Variants in SH2B3 observed in about 807,000 individuals in gnomAD.
SH2B3 encodes SH2B adaptor protein 3, also known as SH2B adapter protein 3.
SH2B3 carries 43 observed loss-of-function variants against 51.9 expected under a neutral mutation model. The ratio of observed to expected loss-of-function variants is 0.83; its 90% CI spans 0.65 to 1.07. SH2B3 has a LOEUF of 1.07. Among genes scored for constraint, SH2B3 ranks in the 50% least tolerant of loss-of-function variants. The pLI, the probability that SH2B3 is intolerant of heterozygous loss-of-function variation, is 0.00. For missense variants in SH2B3, 952 were observed against 834.3 expected, an observed-to-expected ratio of 1.14 and a Z score of -1.74; for synonymous variants, 396 against 376.0, an observed-to-expected ratio of 1.05 and a Z score of -0.62.
chr12:111,446,944 G>A lies in SH2B3; in HGVS notation c.837G>A (p.Val279=). The A allele has an allele frequency of 6.2e-7, 1 of 1,613,932 alleles. No individual in the cohort carries two copies. The highest frequency in any genetic ancestry group is 8.5e-7 in the Non-Finnish European group (1 of 1,179,832). ...CCTGTTCCCTTCCTCCCTGCCAGGT[G>A]AAGGACCGGACAGACATCATCTTTG... is the stretch of plus-strand genomic sequence containing the variant. ...PDNLYTFVLK[V]KDRTDIIFEV... is the part of the protein sequence containing the mutation. Residue 279 remains valine (V), a splice_region_variant and synonymous_variant, in exon 4 of 8, where the codon GTG becomes GTA. Coordinates refer to ENST00000341259, the MANE Select transcript of SH2B3 (RefSeq NM_005475.3).
chr12:111,447,817 C>G lies in SH2B3; in HGVS notation c.1398C>G (p.Ser466=). The G allele has an allele frequency of 1.2e-6, 2 of 1,613,824 alleles. No individual in the cohort carries two copies. Among genetic ancestry groups the G allele is most frequent in the Non-Finnish European group, 1.7e-6 (2 of 1,179,886 alleles). The change falls in exon 7 of 8, where the codon TCC becomes TCG. Residue 466 remains serine, a synonymous_variant. Transcript: ENST00000341259. ...VRLSSYVVVV[S]QPPGSCNTVL... ...TCTCCAGCTACGTGGTAGTCGTCTC[C>G]CAACCACCAGGTCTGACCCTACTGC...
chr12:111,418,068 G>C lies in SH2B3; in HGVS notation c.-27-51G>C. 1 of 1,394,600 alleles carries C rather than the reference G, an allele frequency of 7.2e-7. No individual in the cohort carries two copies. The highest frequency in any genetic ancestry group is 9.5e-7 in the Non-Finnish European group (1 of 1,055,896). The allele number at this position is 1,394,600 out of a possible 1,614,324, so 86.4% of individuals were successfully genotyped here. On this transcript the variant is annotated intron_variant, in intron 1 of 7. Transcript: ENST00000341259. The surrounding 1 kb of genome is among the most constrained non-coding windows in gnomAD (Gnocchi z 6.7). ...CCGGTGTGTAATGGGGCCTACACCT[G>C]CTTGCCCACCTGCTTACTCCTTGTC... is the stretch of plus-strand genomic sequence containing the variant.
Position 111,447,668 on chromosome 12 carries a change from T to C in SH2B3, c.1249T>C (p.Ser417Pro). The C allele has an allele frequency of 6.2e-7, 1 of 1,612,518 alleles. No homozygotes were observed. ...TCTCCTCCCACAGCACCTGCGCCTG[T>C]CGCTGACAGAGCGGGGCCAGTGCCG... is the stretch of plus-strand genomic sequence containing the variant. ...FQGIAKHLRL[S>P]LTERGQCRVQ... Residue 417 changes from serine (S) to proline (P), a missense_variant, in exon 7 of 8, where the codon TCG becomes CCG. Ser to Pro is a moderately conservative substitution (Grantham distance 74). Transcript: ENST00000341259.
rs759666349 is a variant in SH2B3, at chr12:111,418,207, C to T, written c.62C>T (p.Ala21Val). Residue 21 changes from alanine (A) to valine (V), a missense_variant, in exon 2 of 8, where the codon GCG (alanine) becomes GTG (valine). Physicochemically the swap from Ala to Val is moderately conservative, Grantham distance 64. Transcript: ENST00000341259. This position sits in a 1 kb window ranked among gnomAD's most constrained non-coding sequence, Gnocchi z 6.7. The stretch of plus-strand genomic sequence containing the variant: ...TCCGCGCCCTCAGCCTCCCCGGCGG[C>T]GGCCCCGCGGGGCTGGAGCGAGTTC... ...PSSAPSASPAAAPRGWSEFCE... is the reference protein window; with the variant it reads ...PSSAPSASPAVAPRGWSEFCE... The T allele has an allele frequency of 9.5e-6, 15 of 1,577,002 alleles. No homozygotes were observed. The highest frequency in any genetic ancestry group is 1.1e-5 in the South Asian group (1 of 88,150).
chr12:111,405,657 G>C (rs1328681091), upstream of SH2B3, among the ~76,000 whole-genome samples: 2 of 152,170 alleles, frequency 1.3e-5, no homozygotes, highest in African/African-American at 2.4e-5. The surrounding 1 kb of genome is among the most constrained non-coding windows in gnomAD (Gnocchi z 5.4). Flanking sequence ...ACGCGAAATC[G>C]GGTGGGCACG....
chr12:111,408,810 C>CT (rs1870449235), intron 1 of SH2B3, among the ~76,000 whole-genome samples: 1 of 152,204 alleles, frequency 6.6e-6, no homozygotes, highest in African/African-American at 2.4e-5. Context: ...TCTCCCATTG[C>CT]TGGGGATCCT....
At chr12:111,417,649 CT>C (rs1871188653) in intron 1 of SH2B3, among the ~76,000 whole-genome samples, 1 of 151,696 alleles carries the variant, frequency 6.6e-6, no homozygotes, top group Non-Finnish European at 1.5e-5. Context: ...GAGAGATGGG[CT>C]TTCACCATGT....
intron 2 of SH2B3, among the ~76,000 whole-genome samples, chr12:111,421,124 A>G (rs1871518256): frequency 6.6e-6 from 1 of 151,774 alleles, no homozygotes; most frequent in African/African-American, 2.4e-5. Flanking sequence ...GGAATCACAC[A>G]GTAGGTTGCC....
intron 1 of SH2B3, among the ~76,000 whole-genome samples, chr12:111,408,724 C>T (rs1425376401): frequency 9.2e-5 from 14 of 152,184 alleles, no homozygotes; most frequent in African/African-American, 2.4e-5. Context: ...GCCAATACAG[C>T]TCCTTTTGCT....
chr12:111,408,843 T>G (rs1367782184), intron 1 of SH2B3, among the ~76,000 whole-genome samples: 4 of 152,244 alleles, frequency 2.6e-5, no homozygotes, highest in Admixed American at 2.0e-4. Flanking sequence ...TTAAGCTCTC[T>G]GAGGCAATTG....
rs1472359649 is a variant in SH2B3 at position 111,447,141 on chromosome 12, G to A, written c.943G>A (p.Ala315Thr). 6.2e-7 allele frequency: 1 copy of A among 1,613,856 alleles called. No individual in the cohort carries two copies. The highest frequency in any genetic ancestry group is 8.5e-7 in the Non-Finnish European group (1 of 1,179,852). The change falls in exon 5 of 8, where the codon GCA (alanine) becomes ACA (threonine). Residue 315 changes from alanine (A) to threonine (T), a missense_variant. Physicochemically the swap from Ala to Thr is moderately conservative, Grantham distance 58. Coordinates refer to ENST00000341259, the MANE Select transcript of SH2B3 (RefSeq NM_005475.3). ...CTCCAGCAGGCTGGAGAGCACAGAA[G>A]CAGAGATGCATATTCCCTCAGCCCT... Reference protein sequence around the residue: ...CTGRGLESTEAEMHIPSALEP... With the variant: ...CTGRGLESTETEMHIPSALEP...
intron 2 of SH2B3, among the ~76,000 whole-genome samples, chr12:111,441,739 T>G (rs1873428657): frequency 6.6e-6 from 1 of 151,958 alleles, no homozygotes; most frequent in South Asian, 2.1e-4. Context: ...CTTCTCAGAG[T>G]CTTTAATGGA....
In SH2B3 at chr12:111,446,980, C is replaced by T. The variant is rs564885426; in HGVS notation, c.873C>T (p.Asp291=). ...DRTDIIFEVG[D]EQQLNSWMAE... The stretch of plus-strand genomic sequence containing the variant: ...CAGACATCATCTTTGAGGTGGGAGA[C>T]GAGCAGCAGCTGAATTCATGGATGG... The change falls in exon 4 of 8, where the codon GAC becomes GAT. Residue 291 remains aspartate, a synonymous_variant. Coordinates refer to ENST00000341259, the MANE Select transcript of SH2B3 (RefSeq NM_005475.3). 1.9e-5 allele frequency: 30 copies of T among 1,614,094 alleles called. No homozygotes were observed. The South Asian group carries it at 2.4e-4, about 13-fold the overall frequency.
chr12:111,436,021 C>T (rs1332501888), intron 2 of SH2B3, among the ~76,000 whole-genome samples: 1 of 152,214 alleles, frequency 6.6e-6, no homozygotes, highest in African/African-American at 2.4e-5. Context: ...CCATCTTGTC[C>T]TCAGAAGTGG....
rs912059498 is a variant in SH2B3, at chr12:111,410,171, G to A, written c.-28+3894G>A. On this transcript the variant is annotated intron_variant, in intron 1 of 7. Coordinates refer to ENST00000341259, the MANE Select transcript of SH2B3 (RefSeq NM_005475.3). This position sits in a 1 kb window ranked among gnomAD's most constrained non-coding sequence, Gnocchi z 4.9. Reference sequence around the variant, plus strand: ...GCTGACTCACAGGCGCCCAATGGGGGGCCCCAGCTGGGAGACTGGGAATGT... The same window carrying A: ...GCTGACTCACAGGCGCCCAATGGGGAGCCCCAGCTGGGAGACTGGGAATGT... Among the ~76,000 whole-genome samples, 12 of 152,218 alleles carry A rather than the reference G, an allele frequency of 7.9e-5. No homozygotes were observed. The highest frequency in any genetic ancestry group is 2.9e-4 in the African/African-American group (12 of 41,464).
rs372895177 is a variant in SH2B3, at chr12:111,442,635, C to T, written c.733-4118C>T. Among the ~76,000 whole-genome samples the T allele has an allele frequency of 2.5e-4, 38 of 152,324 alleles. 1 individual carries two copies. In the East Asian group the frequency reaches 3.9e-3, roughly 15 times the overall value. ...TGCTGCCCTGTGTCCTGCCCTCCAG[C>T]GTCCCAGGAGGAGGGGGACAGCCAG... On this transcript the variant is annotated intron_variant, in intron 2 of 7. Coordinates refer to ENST00000341259, the MANE Select transcript of SH2B3 (RefSeq NM_005475.3).
Position 111,450,752 on chromosome 12 carries a change from A to C in SH2B3, c.*2450A>C, listed in dbSNP as rs11065906. On this transcript the variant is annotated 3_prime_UTR_variant, in exon 8 of 8. Coordinates refer to ENST00000341259, the MANE Select transcript of SH2B3 (RefSeq NM_005475.3). ...ACAGCTCAAAAACATGCTGACAGAAAACTCCCATGGCTCTAGGAAGAAGTG... is the reference window on the plus strand; with the variant it reads ...ACAGCTCAAAAACATGCTGACAGAACACTCCCATGGCTCTAGGAAGAAGTG... 9,062 of 152,610 alleles carry C rather than the reference A, an allele frequency of 0.059. 902 individuals carry two copies. Among genetic ancestry groups the C allele is most frequent in the African/African-American group, 0.2 (8,506 of 41,530 alleles). The allele number at this position is 152,610 out of a possible 1,614,324, so 9.5% of individuals were successfully genotyped here.
chr12:111,437,606 A>C (rs10849948), intron 2 of SH2B3, among the ~76,000 whole-genome samples: 5 of 151,952 alleles, frequency 3.3e-5, no homozygotes, highest in Non-Finnish European at 5.9e-5. Flanking sequence ...TAATTTGCTC[A>C]GGGCCCTGCA....
rs911752334 is a variant in SH2B3, at chr12:111,438,726, G to A, written c.733-8027G>A. On this transcript the variant is annotated intron_variant, in intron 2 of 7. Transcript: ENST00000341259. The surrounding 1 kb of genome is among the most constrained non-coding windows in gnomAD (Gnocchi z 4.2). ...AGGGAAGGAAGTGAAGGGGCTTTGC[G>A]GCTCAGGATTTAGATACTGTGGTCA... is the stretch of plus-strand genomic sequence containing the variant. 3.9e-5 allele frequency among the ~76,000 whole-genome samples: 6 copies of A among 152,198 alleles called. No individual in the cohort carries two copies. The highest frequency in any genetic ancestry group is 1.2e-4 in the African/African-American group (5 of 41,442).
Sources: allele counts gnomAD v4.1 joint callset (sites outside exome capture counted in the v4.1 genomes callset), GRCh38; gene constraint gnomAD v4.1.1; non-coding constraint Gnocchi (gnomAD v3.1); transcripts MANE v1.5; gene names NCBI Gene and HGNC (gene_info 2026-07-23, HGNC 2026-07-21).